The following ARHGAP39 variants were observed in gnomAD, a reference collection of about 807,000 sequenced individuals.
ARHGAP39 encodes Rho GTPase activating protein 39, also known as rho GTPase-activating protein 39.
A neutral mutation model predicts 106.9 loss-of-function variants in ARHGAP39; 44 were observed. That is an observed-to-expected ratio of 0.41 (90% CI 0.32 to 0.53). The LOEUF is 0.53. Ranked by LOEUF, ARHGAP39 falls within the 20% of genes least tolerant of loss-of-function variation. The pLI, the probability that ARHGAP39 is intolerant of heterozygous loss-of-function variation, is 0.21. For missense variants in ARHGAP39, 1,496 were observed against 1,577.3 expected, an observed-to-expected ratio of 0.95 and a Z score of 0.87; for synonymous variants, 768 against 693.2, an observed-to-expected ratio of 1.11 and a Z score of -1.69.
chr8:144,633,766 C>T (rs1241802686), intron 1 of ARHGAP39, among the ~76,000 whole-genome samples: 2 of 152,296 alleles, frequency 1.3e-5, no homozygotes, highest in Admixed American at 6.5e-5. Flanking sequence ...ATCCTGCAGC[C>T]TCCACCTCCA....
intron 1 of ARHGAP39, among the ~76,000 whole-genome samples, chr8:144,620,557 G>A (rs943264791): frequency 4.1e-5 from 5 of 122,258 alleles, no homozygotes; most frequent in African/African-American, 2.4e-4. Flanking sequence ...GCCCGTGTGC[G>A]TGAGCTTGTG....
At chr8:144,673,514 T>C (rs960204298) in intron 1 of ARHGAP39, among the ~76,000 whole-genome samples, 2 of 152,248 alleles carry the variant, frequency 1.3e-5, no homozygotes, top group Non-Finnish European at 2.9e-5. Context: ...TTCATTATGC[T>C]AAAAGAAATT....
intron 1 of ARHGAP39, among the ~76,000 whole-genome samples, chr8:144,623,883 G>T (rs929809349): frequency 6.6e-6 from 1 of 152,222 alleles, no homozygotes; most frequent in Admixed American, 6.5e-5. Flanking sequence ...TCCCAGAGAA[G>T]GACTGGCAGT....
intron 1 of ARHGAP39, among the ~76,000 whole-genome samples, chr8:144,643,291 G>A (rs1444699573): frequency 1.3e-5 from 2 of 151,834 alleles, no homozygotes; most frequent in African/African-American, 2.4e-5. Flanking sequence ...GCAAAACCCT[G>A]TCTCTACAAA....
chr8:144,629,086 T>C (rs1820997650), intron 1 of ARHGAP39, among the ~76,000 whole-genome samples: 1 of 152,232 alleles, frequency 6.6e-6, no homozygotes, highest in African/African-American at 2.4e-5. Context: ...TGGATCTTAC[T>C]AACTTGGAAA....
At chr8:144,538,765 T>A (rs537194327) in intron 6 of ARHGAP39, among the ~76,000 whole-genome samples, 6 of 152,100 alleles carry the variant, frequency 3.9e-5, no homozygotes, top group African/African-American at 1.4e-4. Context: ...GAGATGGGGT[T>A]TCACCATGTT....
intron 2 of ARHGAP39, among the ~76,000 whole-genome samples, chr8:144,583,766 TC>T (rs2130905064): frequency 6.6e-6 from 1 of 152,306 alleles, no homozygotes; most frequent in African/African-American, 2.4e-5. Context: ...TTCCAAGTGT[TC>T]CACAATATTC....
Position 144,649,404 on chromosome 8 carries a change from C to T in ARHGAP39, c.-82+36282G>A, listed in dbSNP as rs112994767. On this transcript the variant is annotated intron_variant, in intron 1 of 11. Transcript: ENST00000377307. ...GGCAGAACTTGCAGTGAGCTGAGAT[C>T]GCGCCACTGCACTCCAGCCTGGGTG... Among the ~76,000 whole-genome samples the T allele has an allele frequency of 2.0e-5, 3 of 151,766 alleles. No homozygotes were observed. The South Asian group carries it at 6.3e-4, about 32-fold the overall frequency.
chr8:144,545,870 C>A (rs1351682566), intron 5 of ARHGAP39, 60 bp from the exon 6 acceptor site: 2 of 1,393,724 alleles, frequency 1.4e-6, no homozygotes, highest in Non-Finnish European at 1.9e-6. Flanking sequence ...CAGGTGGGCC[C>A]ACTGGGCCAC....
intron 4 of ARHGAP39, among the ~76,000 whole-genome samples, chr8:144,551,887 G>A (rs2130852402): frequency 6.6e-6 from 1 of 152,292 alleles, no homozygotes; most frequent in African/African-American, 2.4e-5. Context: ...GGCCTTCATA[G>A]CCCCTCTTCC....
At chr8:144,559,580 T>C (rs1410620173) in intron 3 of ARHGAP39, among the ~76,000 whole-genome samples, 1 of 152,098 alleles carries the variant, frequency 6.6e-6, no homozygotes. Context: ...CTGAGAAATA[T>C]GACATGGCTG....
At chr8:144,629,371 C>T (rs1424942486) in intron 1 of ARHGAP39, among the ~76,000 whole-genome samples, 1 of 152,094 alleles carries the variant, frequency 6.6e-6, no homozygotes, top group African/African-American at 2.4e-5. Context: ...CAAGAGCAGA[C>T]CCGCAGGCTC....
intron 3 of ARHGAP39, 119 bp downstream of exon 3, chr8:144,580,727 C>T: frequency 7.8e-7 from 1 of 1,282,622 alleles, no homozygotes; most frequent in Non-Finnish European, 1.0e-6. Context: ...CTGGCCCCGC[C>T]CACCACCTTC....
chr8:144,631,359 A>G (rs74958403), intron 1 of ARHGAP39, among the ~76,000 whole-genome samples: 12,553 of 152,338 alleles, frequency 0.082, 1,109 homozygotes, highest in East Asian at 0.25. Context: ...CTTTCTGGAA[A>G]GCTGCACCCT....
At chr8:144,544,875 G>A (rs1817341944) in intron 6 of ARHGAP39, among the ~76,000 whole-genome samples, 1 of 152,284 alleles carries the variant, frequency 6.6e-6, no homozygotes, top group Non-Finnish European at 1.5e-5. Context: ...GGTCACGGAT[G>A]GCAGAAGGCA....
At chr8:144,620,107 G>A (rs1247699817) in intron 1 of ARHGAP39, among the ~76,000 whole-genome samples, 1 of 142,622 alleles carries the variant, frequency 7.0e-6, no homozygotes, top group Non-Finnish European at 1.5e-5. Flanking sequence ...GTGTGTCCCT[G>A]AGCATGTGTG....
rs373369578 is a variant in ARHGAP39 at position 144,621,956 on chromosome 8, G to A, written c.-81-16261C>T. Among the ~76,000 whole-genome samples the A allele has an allele frequency of 8.5e-5, 13 of 152,362 alleles. No individual in the cohort carries two copies. In the South Asian group the frequency reaches 1.9e-3, roughly 22 times the overall value. On this transcript the variant is annotated intron_variant, in intron 1 of 11. Coordinates refer to ENST00000377307, the MANE Select transcript of ARHGAP39 (RefSeq NM_025251.3). ...CTCCTCAGAAGAGCTGAGTGACTGC[G>A]ACTTGGGTAGGAAGACTCAGAATGC...
chr8:144,591,635 G>C lies in ARHGAP39; in HGVS notation c.81-10358C>G, dbSNP rs561204131. ...AGGGTGCGTGCCAGAAGAGAGGCGA[G>C]GGGTGGGGGAGCAGAGGCGAGGAAG... On this transcript the variant is annotated intron_variant, in intron 2 of 11. Coordinates refer to ENST00000377307, the MANE Select transcript of ARHGAP39 (RefSeq NM_025251.3). The surrounding 1 kb of genome is among the most constrained non-coding windows in gnomAD (Gnocchi z 5.3). Among the ~76,000 whole-genome samples the C allele has an allele frequency of 6.6e-6, 1 of 152,180 alleles. No individual in the cohort carries two copies. Among genetic ancestry groups the C allele is most frequent in the Non-Finnish European group, 1.5e-5 (1 of 68,022 alleles).
At chr8:144,576,347 A>AG (rs1818776652) in intron 3 of ARHGAP39, among the ~76,000 whole-genome samples, 1 of 151,320 alleles carries the variant, frequency 6.6e-6, no homozygotes, top group Non-Finnish European at 1.5e-5. Context: ...AAAAAAAAAA[A>AG]AAAAAAAAAA....
Sources: gnomAD v4.1 joint callset for allele counts (sites outside exome capture counted in the v4.1 genomes callset) on GRCh38, gnomAD v4.1.1 for gene constraint, Gnocchi (gnomAD v3.1) non-coding constraint, MANE v1.5 for transcripts, NCBI Gene and HGNC (gene_info 2026-07-23, HGNC 2026-07-21) for gene names.